MYO3B: variants seen among roughly 807,000 people sequenced by gnomAD.
MYO3B encodes myosin IIIB, also known as myosin-IIIb.
Under a neutral mutation model 174.6 loss-of-function variants are expected in MYO3B, and 156 were observed. The observed-to-expected ratio is 0.89, with a 90% confidence interval of 0.78 to 1.02. MYO3B has a LOEUF of 1.02. MYO3B is among the 50% of genes least tolerant of loss of function. The pLI is 0.00. For missense variants in MYO3B, 1,632 were observed against 1,639.4 expected (o/e 1.00, Z 0.08); for synonymous variants, 563 against 569.1 (o/e 0.99, Z 0.15).
At chr2:170,605,067 C>T (rs747109011) in intron 32 of MYO3B, among the ~76,000 whole-genome samples, 2 of 152,150 alleles carry the variant, frequency 1.3e-5, no homozygotes, top group Admixed American at 1.3e-4. Flanking sequence ...TGGGTCCTAC[C>T]GCTCTCCTGA....
At chr2:170,368,843 C>T (rs1349103378) in intron 8 of MYO3B, among the ~76,000 whole-genome samples, 1 of 152,132 alleles carries the variant, frequency 6.6e-6, no homozygotes, top group Non-Finnish European at 1.5e-5. Context: ...TTTAATTCTA[C>T]GTATTTCTAA....
intron 7 of MYO3B, among the ~76,000 whole-genome samples, chr2:170,272,869 C>T (rs2105373106): frequency 6.6e-6 from 1 of 152,262 alleles, no homozygotes; most frequent in South Asian, 2.1e-4. Context: ...TCTTGTACAT[C>T]TCATAATACT....
At chr2:170,460,513 CAT>C (rs1473507734) in intron 23 of MYO3B, among the ~76,000 whole-genome samples, 1 of 93,176 alleles carries the variant, frequency 1.1e-5, no homozygotes, top group Non-Finnish European at 2.2e-5. Flanking sequence ...AAAAAAAAGA[CAT>C]ATGACCTATT....
intron 25 of MYO3B, among the ~76,000 whole-genome samples, chr2:170,471,173 C>T (rs111648045): frequency 0.021 from 3,246 of 152,098 alleles, 51 homozygotes; most frequent in Middle Eastern, 0.034. Context: ...CCTCAGCCTC[C>T]GGAGTAGCTG....
chr2:170,226,249 A>T (rs1423281010), intron 6 of MYO3B, among the ~76,000 whole-genome samples: 1 of 152,170 alleles, frequency 6.6e-6, no homozygotes, highest in Non-Finnish European at 1.5e-5. Context: ...GTTAAATGAG[A>T]GGTTTAGAAC....
chr2:170,464,576 G>C (rs1026035873), intron 24 of MYO3B, among the ~76,000 whole-genome samples: 10 of 152,070 alleles, frequency 6.6e-5, no homozygotes, highest in African/African-American at 1.9e-4. Flanking sequence ...CTAAAACGCG[G>C]AAGTCCAGCC....
At chr2:170,649,399 AAT>A (rs1698821868) in intron 32 of MYO3B, among the ~76,000 whole-genome samples, 1 of 115,164 alleles carries the variant, frequency 8.7e-6, no homozygotes, top group Admixed American at 1.1e-4. Flanking sequence ...AAAAATATAA[AAT>A]ATAAAATATT....
At chr2:170,251,307 A>C (rs1227942640) in intron 7 of MYO3B, among the ~76,000 whole-genome samples, 1 of 152,188 alleles carries the variant, frequency 6.6e-6, no homozygotes, top group Non-Finnish European at 1.5e-5. Context: ...ACACACAGTT[A>C]ATAAAAACAA....
chr2:170,376,978 C>T (rs1384211769), intron 9 of MYO3B, among the ~76,000 whole-genome samples: 3 of 152,198 alleles, frequency 2.0e-5, no homozygotes, highest in African/African-American at 4.8e-5. Flanking sequence ...AAAGGAAGAG[C>T]GTATCCTGTC....
intron 7 of MYO3B, among the ~76,000 whole-genome samples, chr2:170,237,418 G>A (rs1372227013): frequency 6.6e-6 from 1 of 151,334 alleles, no homozygotes; most frequent in Non-Finnish European, 1.5e-5. Flanking sequence ...ATGTACTTTT[G>A]ATAAGAGATC....
rs2094223252 is a variant in MYO3B, at chr2:170,369,385, ACT to A, written c.971+13_971+14del. 6.2e-7 allele frequency: 1 copy of A among 1,607,732 alleles called. No homozygotes were observed. Reference sequence around the variant, plus strand: ...TCCTGTTGCTAAAACCAGGTACTGTACTCTCTTTCTTCTTTCTCCCTGTGGTT... The same window carrying A: ...TCCTGTTGCTAAAACCAGGTACTGTACTCTTTCTTCTTTCTCCCTGTGGTT... On this transcript the variant is annotated intron_variant, in intron 9 of 34. Transcript: ENST00000408978.
chr2:170,421,456 C>G (rs894388218), intron 22 of MYO3B, among the ~76,000 whole-genome samples: 3 of 152,160 alleles, frequency 2.0e-5, no homozygotes, highest in South Asian at 2.1e-4. Flanking sequence ...TCTTTAAGCA[C>G]GAGAACCACG....
intron 22 of MYO3B, among the ~76,000 whole-genome samples, chr2:170,410,294 G>T (rs373364486): frequency 6.6e-6 from 1 of 151,978 alleles, no homozygotes; most frequent in Admixed American, 6.6e-5. Flanking sequence ...GGCCAGGCGC[G>T]GTGGCTCACG....
At chr2:170,282,778 A>G (rs10930416) in intron 7 of MYO3B, among the ~76,000 whole-genome samples, 127,051 of 152,040 alleles carry the variant, frequency 0.84, 53,478 homozygotes, top group East Asian at 0.96. Context: ...CAGTGCAGTG[A>G]GTGGGGAAAG....
intron 7 of MYO3B, among the ~76,000 whole-genome samples, chr2:170,273,187 T>A (rs1185527111): frequency 6.6e-6 from 1 of 152,154 alleles, no homozygotes; most frequent in Non-Finnish European, 1.5e-5. Context: ...CTGAGCAATC[T>A]ATAGTCTGGC....
At chr2:170,584,662 G>A (rs997540786) in intron 32 of MYO3B, among the ~76,000 whole-genome samples, 8 of 152,178 alleles carry the variant, frequency 5.3e-5, no homozygotes, top group African/African-American at 1.4e-4. Context: ...ACTTGTTAAC[G>A]TGATTAATAA....
In MYO3B at chr2:170,514,294, T is replaced by C. The variant is rs553267666; in HGVS notation, c.3371-627T>C. 5.8e-4 allele frequency among the ~76,000 whole-genome samples: 88 copies of C among 152,256 alleles called. 2 individuals are homozygous for C. The South Asian group carries it at 0.017, about 29-fold the overall frequency. On this transcript the variant is annotated intron_variant, in intron 28 of 34. Transcript: ENST00000408978. ...GAAAATCCCTGGTAGAGCCATTATG[T>C]TGTGGAATCCAAAAGGAAGTAAGCT...
chr2:170,489,768 C>G (rs971950562), intron 25 of MYO3B, among the ~76,000 whole-genome samples: 5 of 151,750 alleles, frequency 3.3e-5, no homozygotes, highest in Non-Finnish European at 5.9e-5. Flanking sequence ...GGACTTCAAT[C>G]TTTTAAGGCC....
chr2:170,484,914 GC>G (rs1386848256), intron 25 of MYO3B, among the ~76,000 whole-genome samples: 3 of 152,054 alleles, frequency 2.0e-5, no homozygotes, highest in Non-Finnish European at 4.4e-5. Context: ...GATTATCCAA[GC>G]CAAAATAGTT....
Sources: allele counts gnomAD v4.1 joint callset (sites outside exome capture counted in the v4.1 genomes callset), GRCh38; gene constraint gnomAD v4.1.1; transcripts MANE v1.5; gene names NCBI Gene and HGNC (gene_info 2026-07-23, HGNC 2026-07-21).